Variants in PDE4C observed in about 807,000 individuals in gnomAD.
The protein encoded by PDE4C is 3',5'-cyclic-AMP phosphodiesterase 4C.
Under a neutral mutation model 63.9 loss-of-function variants are expected in PDE4C, and 50 were observed. The observed-to-expected ratio is 0.78, with a 90% CI of 0.62 to 0.99. The LOEUF (loss-of-function observed/expected upper bound fraction) is 0.99, where lower values mean the gene tolerates loss of function less well. PDE4C is among the 50% of genes least tolerant of loss of function. PDE4C has a pLI of 0.00. For missense variants in PDE4C, 777 were observed against 899.1 expected (o/e 0.86, Z 1.74); for synonymous variants, 377 against 385.1 (o/e 0.98, Z 0.25).
upstream of PDE4C, among the ~76,000 whole-genome samples, chr19:18,227,053 A>G (rs1243613930): frequency 6.7e-6 from 1 of 150,272 alleles, no homozygotes; most frequent in African/African-American, 2.5e-5. Flanking sequence ...CAAGGTGCCC[A>G]GAGAAACAGC....
intron 3 of PDE4C, 26 bp from the exon 4 acceptor site, chr19:18,221,204 G>T: frequency 6.4e-7 from 1 of 1,565,574 alleles, no homozygotes. Flanking sequence ...GGTAGGCGGT[G>T]GGAAGGAGAG....
intron 9 of PDE4C, 101 bp from the exon 10 acceptor site, chr19:18,218,599 C>A: frequency 1.5e-6 from 2 of 1,322,544 alleles, no homozygotes; most frequent in Non-Finnish European, 1.1e-6. Context: ...CCTCAAGCAC[C>A]TGCTCCTCTG....
upstream of PDE4C, among the ~76,000 whole-genome samples, chr19:18,238,267 G>A (rs565826769): frequency 4.1e-5 from 6 of 147,472 alleles, no homozygotes; most frequent in East Asian, 1.0e-3. Context: ...ATGGAGTCTC[G>A]CTCTTTCAAC....
intron 4 of PDE4C, 54 bp downstream of exon 4, chr19:18,221,051 C>CGCCAGGCCCCGCCCCACCCT: frequency 4.6e-6 from 6 of 1,300,904 alleles, no homozygotes; most frequent in Non-Finnish European, 6.4e-6. Context: ...GCCCGCTTTC[C>CGCCAGGCCCCGCCCCACCCT]GCCCACCTTG....
At chr19:18,225,133 C>CTG in intron 1 of PDE4C, among the ~76,000 whole-genome samples, 1 of 152,292 alleles carries the variant, frequency 6.6e-6, no homozygotes, top group Admixed American at 6.5e-5. Flanking sequence ...CGGGGTCAGG[C>CTG]TGTGGTTCCA....
upstream of PDE4C, among the ~76,000 whole-genome samples, chr19:18,228,205 A>G (rs530503802): frequency 6.6e-6 from 1 of 152,102 alleles, no homozygotes; most frequent in East Asian, 1.9e-4. Flanking sequence ...GAGAAGTGAC[A>G]ATAGTTACAT....
upstream of PDE4C, chr19:18,252,149 C>T: frequency 2.5e-6 from 1 of 399,044 alleles, no homozygotes; most frequent in Non-Finnish European, 4.4e-6. Context: ...AGTGCGGGGT[C>T]AGGGATTCGG....
At chr19:18,221,071 G>GCCCCC in intron 4 of PDE4C, 34 bp downstream of exon 4, 1 of 776,478 alleles carries the variant, frequency 1.3e-6, no homozygotes, top group Non-Finnish European at 1.8e-6. Context: ...GTCTCTGCCG[G>GCCCCC]CCCCGCCCCC....
chr19:18,216,995 T>C, intron 11 of PDE4C, 100 bp from the exon 12 acceptor site: 3 of 1,344,046 alleles, frequency 2.2e-6, no homozygotes, highest in East Asian at 2.4e-5. Context: ...TACCCATGCG[T>C]TGAAGGCCCA....
upstream of PDE4C, among the ~76,000 whole-genome samples, chr19:18,233,879 G>A (rs959512645): frequency 9.9e-5 from 15 of 152,174 alleles, no homozygotes; most frequent in African/African-American, 3.4e-4. Context: ...TCTGGTCTTC[G>A]GAGGTACGTA....
intron 4 of PDE4C, 63 bp downstream of exon 4, chr19:18,221,042 C>A: frequency 1.2e-6 from 1 of 842,120 alleles, no homozygotes; most frequent in Non-Finnish European, 1.6e-6. Flanking sequence ...CAATTTGCAG[C>A]CCGCTTTCCG....
chr19:18,221,336 T>C (rs554991634), intron 2 of PDE4C, 39 bp from the exon 3 acceptor site: 2 of 1,529,798 alleles, frequency 1.3e-6, no homozygotes, highest in African/African-American at 2.8e-5. Context: ...CTCTCTCCCA[T>C]CTTCCAGCTT....
At chr19:18,216,623 G>T in intron 12 of PDE4C, 118 bp downstream of exon 12, 2 of 995,296 alleles carry the variant, frequency 2.0e-6, no homozygotes, top group Non-Finnish European at 2.9e-6. Context: ...GTGAGGACAT[G>T]CCTGGGTCTG....
chr19:18,233,626 G>A (rs1968898373), exon 1 of PDE4C: 2 of 434,752 alleles, frequency 4.6e-6, no homozygotes, highest in African/African-American at 2.0e-5. Context: ...CCCCGGGGCC[G>A]AGACGGTGTC....
upstream of PDE4C, chr19:18,236,954 G>T (rs79499166): frequency 3.3e-3 from 497 of 152,912 alleles, 1 homozygote; most frequent in Non-Finnish European, 5.3e-3. Context: ...ACACAAGGCG[G>T]CTCGGCAGCG....
chr19:18,243,085 G>A (rs997386099), intron 1 of PDE4C, among the ~76,000 whole-genome samples: 2 of 152,108 alleles, frequency 1.3e-5, no homozygotes, highest in Non-Finnish European at 2.9e-5. Flanking sequence ...GTGTGAGAAA[G>A]AGAAGATTCA....
intron 1 of PDE4C, among the ~76,000 whole-genome samples, chr19:18,231,940 T>C (rs1452255486): frequency 6.6e-6 from 1 of 152,010 alleles, no homozygotes; most frequent in South Asian, 2.1e-4. Context: ...GTGCACGAGC[T>C]TCCCAAGGGA....
rs1968449025 is a variant in PDE4C, at chr19:18,220,986, A to C, written c.450-63T>G. The C allele has an allele frequency of 1.8e-5, 28 of 1,549,278 alleles. No homozygotes were observed. Among genetic ancestry groups the C allele is most frequent in the Non-Finnish European group, 2.4e-5 (27 of 1,144,476 alleles). Reference sequence around the variant, plus strand: ...ATCTCGCCCCGCCCCCAAGTCCACCAGGCCCCGCCCCTCAAACCCACCTGG... The same window carrying C: ...ATCTCGCCCCGCCCCCAAGTCCACCCGGCCCCGCCCCTCAAACCCACCTGG... On this transcript the variant is annotated intron_variant, in intron 4 of 14. Transcript: ENST00000262805. This position sits in a 1 kb window ranked among gnomAD's most constrained non-coding sequence, Gnocchi z 5.1.
chr19:18,237,640 A>G (rs1356721237), upstream of PDE4C, among the ~76,000 whole-genome samples: 1 of 152,034 alleles, frequency 6.6e-6, no homozygotes, highest in African/African-American at 2.4e-5. Flanking sequence ...TGGGAGGCTG[A>G]GGCAGGCGGA....
Sources: gnomAD v4.1 joint callset for allele counts (sites outside exome capture counted in the v4.1 genomes callset) on GRCh38, gnomAD v4.1.1 for gene constraint, Gnocchi (gnomAD v3.1) non-coding constraint, MANE v1.5 for transcripts, NCBI Gene and HGNC (gene_info 2026-07-23, HGNC 2026-07-21) for gene names.